The following CACNB2 variants were observed in gnomAD, a reference collection of about 807,000 sequenced individuals.
CACNB2 encodes calcium voltage-gated channel auxiliary subunit beta 2, also known as voltage-dependent L-type calcium channel subunit beta-2.
In CACNB2, 42 loss-of-function variants were observed where a neutral mutation model predicts 73.3. The observed-to-expected ratio is 0.57, with a 90% CI of 0.45 to 0.74. The LOEUF is 0.74. CACNB2 is among the 30% of genes least tolerant of loss of function. CACNB2 has a pLI of 0.00. For missense variants in CACNB2, 940 were observed against 853.0 expected (o/e 1.10, Z -1.27); for synonymous variants, 348 against 310.3 (o/e 1.12, Z -1.28).
intron 2 of CACNB2, among the ~76,000 whole-genome samples, chr10:18,174,792 CAT>C (rs1450538489): frequency 5.9e-5 from 9 of 152,230 alleles, no homozygotes; most frequent in Middle Eastern, 3.4e-3. Flanking sequence ...TCTGTTCTAA[CAT>C]GAGTTCAAAT....
In CACNB2 at chr10:18,536,210, A is replaced by G. The variant is rs2053554468; in HGVS notation, c.1302+14A>G. ...CAGTGTCCTCCAGTAAGTTATCTCTATATACAGCATAATCCAGTTACAGAG... is the reference window on the plus strand; with the variant it reads ...CAGTGTCCTCCAGTAAGTTATCTCTGTATACAGCATAATCCAGTTACAGAG... On this transcript the variant is annotated intron_variant, in intron 12 of 13. Coordinates refer to ENST00000324631, the MANE Select transcript of CACNB2 (RefSeq NM_201596.3). The G allele has an allele frequency of 9.1e-7, 1 of 1,101,114 alleles. No individual in the cohort carries two copies. The highest frequency in any genetic ancestry group is 1.4e-6 in the Non-Finnish European group (1 of 733,408). The allele number at this position is 1,101,114 out of a possible 1,614,324, so 68.2% of individuals were successfully genotyped here. A position where few individuals can be genotyped will look rare whatever the true frequency, so the allele number is the denominator to read the frequency against.
intron 3 of CACNB2, among the ~76,000 whole-genome samples, chr10:18,436,203 T>C (rs966084654): frequency 1.3e-5 from 2 of 152,250 alleles, no homozygotes; most frequent in Non-Finnish European, 2.9e-5. Flanking sequence ...TTTATGGTCA[T>C]TAATGATGAG....
At chr10:18,176,126 C>A (rs553795725) in intron 2 of CACNB2, among the ~76,000 whole-genome samples, 1 of 152,048 alleles carries the variant, frequency 6.6e-6, no homozygotes, top group African/African-American at 2.4e-5. Context: ...GACAGTGGTG[C>A]GCTTCCATTC....
intron 2 of CACNB2, among the ~76,000 whole-genome samples, chr10:18,305,836 G>C (rs748807083): frequency 6.6e-6 from 1 of 152,068 alleles, no homozygotes; most frequent in Non-Finnish European, 1.5e-5. Context: ...GTGTTAAGAG[G>C]CTGCATATAA....
chr10:18,274,176 T>C (rs1040562813), intron 2 of CACNB2, among the ~76,000 whole-genome samples: 1 of 151,802 alleles, frequency 6.6e-6, no homozygotes, highest in Non-Finnish European at 1.5e-5. Context: ...TTAATTCGGG[T>C]GAAATAAATC....
chr10:18,387,017 T>C (rs371174629), intron 2 of CACNB2, among the ~76,000 whole-genome samples: 6 of 152,354 alleles, frequency 3.9e-5, no homozygotes, highest in African/African-American at 1.4e-4. Context: ...CAGCGTATAA[T>C]CACGGTGTAT....
intron 2 of CACNB2, among the ~76,000 whole-genome samples, chr10:18,252,757 G>C (rs1344065707): frequency 6.6e-6 from 1 of 152,098 alleles, no homozygotes; most frequent in Non-Finnish European, 1.5e-5. Context: ...TTTTCCAATT[G>C]GTAAAATTTC....
intron 2 of CACNB2, among the ~76,000 whole-genome samples, chr10:18,295,960 C>T (rs2039261067): frequency 7.0e-6 from 1 of 142,432 alleles, no homozygotes; most frequent in Non-Finnish European, 1.5e-5. Flanking sequence ...ATGTAGATGT[C>T]TCTCTCCAGT....
intron 2 of CACNB2, among the ~76,000 whole-genome samples, chr10:18,316,465 T>C (rs533361897): frequency 2.0e-5 from 3 of 147,396 alleles, no homozygotes; most frequent in South Asian, 2.1e-4. Flanking sequence ...TCTTCCCCCC[T>C]CTCTTTTTTT....
At chr10:18,343,195 T>C (rs1284284883) in intron 2 of CACNB2, among the ~76,000 whole-genome samples, 1 of 152,230 alleles carries the variant, frequency 6.6e-6, no homozygotes, top group Non-Finnish European at 1.5e-5. Context: ...TTCTTGAACA[T>C]GGTATCTTTA....
In CACNB2 at chr10:18,443,012, ATG is replaced by A. The variant is rs1165827220; in HGVS notation, c.333+40971_333+40972del. Among the ~76,000 whole-genome samples, 35 of 30,116 alleles carry A rather than the reference ATG, an allele frequency of 1.2e-3. 8 individuals carry two copies. The highest frequency in any genetic ancestry group is 2.0e-3 in the Non-Finnish European group (33 of 16,886). The allele number at this position is 30,116 out of a possible 152,430, so 19.8% of individuals were successfully genotyped here. A position where few individuals can be genotyped will look rare whatever the true frequency, so the allele number is the denominator to read the frequency against. On this transcript the variant is annotated intron_variant, in intron 3 of 13. Coordinates refer to ENST00000324631, the MANE Select transcript of CACNB2 (RefSeq NM_201596.3). ...TATATATATATGTGTATATATATATATGTATATATATATATATATATATAAAT... is the reference window on the plus strand; with the variant it reads ...TATATATATATGTGTATATATATATATATATATATATATATATATATAAAT...
intron 3 of CACNB2, among the ~76,000 whole-genome samples, chr10:18,429,682 C>CAAATTAACCAAGAATGATGTTGTA (rs1491217169): frequency 1.1e-5 from 1 of 92,660 alleles, no homozygotes; most frequent in Non-Finnish European, 2.4e-5. Flanking sequence ...AAAAAAAAAA[C>CAAATTAACCAAGAATGATGTTGTA]CAAATTAACC....
At chr10:18,336,200 T>G (rs973853125) in intron 2 of CACNB2, among the ~76,000 whole-genome samples, 4 of 152,228 alleles carry the variant, frequency 2.6e-5, no homozygotes, top group Non-Finnish European at 5.9e-5. Flanking sequence ...GCCAGCATGG[T>G]TAAGCCAGTT....
At chr10:18,150,665 A>G (rs918495576) in intron 1 of CACNB2, among the ~76,000 whole-genome samples, 2 of 152,166 alleles carry the variant, frequency 1.3e-5, no homozygotes, top group Non-Finnish European at 2.9e-5. Flanking sequence ...CTCTGTCTCA[A>G]AAAAGAAAAG....
intron 3 of CACNB2, among the ~76,000 whole-genome samples, chr10:18,494,627 G>A (rs1425329362): frequency 8.4e-4 from 107 of 126,910 alleles, no homozygotes; most frequent in African/African-American, 3.1e-3. Context: ...GTGAGACTCC[G>A]TCTCAAAAAA....
Position 18,222,797 on chromosome 10 carries a change from C to T in CACNB2, c.213+71822C>T, listed in dbSNP as rs377154370. On this transcript the variant is annotated intron_variant, in intron 2 of 13. Transcript: ENST00000324631. ...ACTAAAAATACAAAAAGCAGTTGGG[C>T]GTGGTGGTGGACGCCTGTAATCCCA... 1.6e-4 allele frequency among the ~76,000 whole-genome samples: 25 copies of T among 152,140 alleles called. No homozygotes were observed. In the East Asian group the frequency reaches 4.1e-3, roughly 25 times the overall value.
At chr10:18,444,315 A>G (rs1225467419) in intron 3 of CACNB2, among the ~76,000 whole-genome samples, 1 of 152,154 alleles carries the variant, frequency 6.6e-6, no homozygotes, top group Non-Finnish European at 1.5e-5. Flanking sequence ...AGGACAGTCG[A>G]GTGCAAAGAG....
Position 18,307,983 on chromosome 10 carries a change from C to CTTTTTTTTTT in CACNB2, c.214-93923_214-93914dup, listed in dbSNP as rs869311555. ...TTAAGTCTAAAATAATATATGCCAA[C>CTTTTTTTTTT]TTTTTTTTTTTTTTTTTTTTTTTTT... On this transcript the variant is annotated intron_variant, in intron 2 of 13. Transcript: ENST00000324631. Among the ~76,000 whole-genome samples, 32 of 70,262 alleles carry CTTTTTTTTTT rather than the reference C, an allele frequency of 4.6e-4. 3 individuals carry two copies. The highest frequency in any genetic ancestry group is 9.7e-4 in the Admixed American group (5 of 5,148). The allele number at this position is 70,262 out of a possible 152,430, so 46.1% of individuals were successfully genotyped here. A position where few individuals can be genotyped will look rare whatever the true frequency, so the allele number is the denominator to read the frequency against.
intron 2 of CACNB2, among the ~76,000 whole-genome samples, chr10:18,255,658 T>A (rs981485332): frequency 6.6e-6 from 1 of 152,134 alleles, no homozygotes; most frequent in Admixed American, 6.5e-5. Context: ...TTGGTCCTTT[T>A]TTTGTTTTTA....
Sources: allele counts gnomAD v4.1 joint callset (sites outside exome capture counted in the v4.1 genomes callset), GRCh38; gene constraint gnomAD v4.1.1; transcripts MANE v1.5; gene names NCBI Gene and HGNC (gene_info 2026-07-23, HGNC 2026-07-21).